Variants in AGBL4 observed in about 807,000 individuals in gnomAD.
The protein encoded by AGBL4 is cytosolic carboxypeptidase 6.
Under a neutral mutation model 66.4 loss-of-function variants are expected in AGBL4, and 58 were observed. The observed-to-expected ratio is 0.87, with a 90% confidence interval of 0.71 to 1.09. The LOEUF is 1.09. Among genes scored for constraint, AGBL4 ranks in the 50% least tolerant of loss-of-function variants. AGBL4 has a pLI of 0.00. For missense variants in AGBL4, 579 were observed against 631.0 expected, an observed-to-expected ratio of 0.92 and a Z score of 0.88; for synonymous variants, 234 against 222.9, an observed-to-expected ratio of 1.05 and a Z score of -0.44.
chr1:49,476,335 C>A (rs1646844317), intron 3 of AGBL4, among the ~76,000 whole-genome samples: 1 of 151,942 alleles, frequency 6.6e-6, no homozygotes, highest in Admixed American at 6.6e-5. Flanking sequence ...AGAATGTGGT[C>A]AATCTTAGAG....
intron 3 of AGBL4, among the ~76,000 whole-genome samples, chr1:49,542,360 A>G (rs1652115194): frequency 6.6e-6 from 1 of 152,142 alleles, no homozygotes; most frequent in African/African-American, 2.4e-5. Context: ...CACTCACCGC[A>G]AAGGTCTGCA....
intron 5 of AGBL4, among the ~76,000 whole-genome samples, chr1:48,893,843 G>A (rs1651240743): frequency 6.6e-6 from 1 of 152,098 alleles, no homozygotes; most frequent in African/African-American, 2.4e-5. Flanking sequence ...TACGATCTCA[G>A]TCTTTCAGCC....
At chr1:49,670,277 G>A (rs1240604932) in intron 3 of AGBL4, among the ~76,000 whole-genome samples, 1 of 152,038 alleles carries the variant, frequency 6.6e-6, no homozygotes, top group Admixed American at 6.6e-5. Context: ...TTGCCAATGT[G>A]GTGCTAACCA....
intron 3 of AGBL4, among the ~76,000 whole-genome samples, chr1:49,541,378 C>T (rs910682284): frequency 6.6e-6 from 1 of 152,120 alleles, no homozygotes; most frequent in African/African-American, 2.4e-5. Flanking sequence ...TCCTTGTGGG[C>T]CAGCATGAGT....
intron 3 of AGBL4, among the ~76,000 whole-genome samples, chr1:49,630,599 A>G (rs1351580926): frequency 6.6e-6 from 1 of 152,190 alleles, no homozygotes; most frequent in Non-Finnish European, 1.5e-5. Flanking sequence ...TAATTCTTGC[A>G]TATCCAGTCT....
chr1:50,000,512 G>C, intron 1 of AGBL4, among the ~76,000 whole-genome samples: 1 of 152,166 alleles, frequency 6.6e-6, no homozygotes, highest in Non-Finnish European at 1.5e-5. Context: ...AAACAGTGTG[G>C]AGAGTCCTTA....
intron 6 of AGBL4, chr1:48,817,708 C>A (rs562860450): frequency 7.7e-6 from 2 of 260,810 alleles, no homozygotes; most frequent in Non-Finnish European, 1.5e-5. Context: ...TTGCTGCCCC[C>A]ACCTGTCTGG....
At chr1:49,624,752 C>G (rs1204360876) in intron 3 of AGBL4, among the ~76,000 whole-genome samples, 1 of 152,160 alleles carries the variant, frequency 6.6e-6, no homozygotes, top group Non-Finnish European at 1.5e-5. Context: ...GAGCCTAAAT[C>G]TTTGATGACT....
intron 1 of AGBL4, among the ~76,000 whole-genome samples, chr1:49,881,380 A>G (rs1490569649): frequency 6.6e-6 from 1 of 152,128 alleles, no homozygotes; most frequent in Non-Finnish European, 1.5e-5. Context: ...AGCATGATTT[A>G]TAGTCCTCTG....
intron 3 of AGBL4, among the ~76,000 whole-genome samples, chr1:49,694,830 G>A (rs1332060179): frequency 2.0e-5 from 3 of 152,070 alleles, no homozygotes; most frequent in Non-Finnish European, 4.4e-5. Context: ...GCTATCTCAA[G>A]TAGTTTAACT....
At chr1:48,665,779 A>C (rs1486045621) in intron 6 of AGBL4, among the ~76,000 whole-genome samples, 3 of 152,208 alleles carry the variant, frequency 2.0e-5, no homozygotes, top group Admixed American at 2.0e-4. Flanking sequence ...CACTTAAAAA[A>C]AAATCACCAA....
At chr1:49,262,296 T>C (rs1653261627) in intron 3 of AGBL4, among the ~76,000 whole-genome samples, 1 of 151,994 alleles carries the variant, frequency 6.6e-6, no homozygotes, top group Non-Finnish European at 1.5e-5. Flanking sequence ...AAAGACAAAA[T>C]TGACAAATGG....
intron 3 of AGBL4, among the ~76,000 whole-genome samples, chr1:49,379,264 A>C (rs1412498617): frequency 1.3e-5 from 2 of 152,118 alleles, no homozygotes; most frequent in African/African-American, 4.8e-5. Context: ...TTGGGAAACT[A>C]CCACACATTG....
chr1:49,555,924 G>C (rs1035201755), intron 3 of AGBL4, among the ~76,000 whole-genome samples: 6 of 152,152 alleles, frequency 3.9e-5, no homozygotes, highest in Non-Finnish European at 2.9e-5. Flanking sequence ...CTTTGACACT[G>C]TTGGTGGGAC....
chr1:48,852,771 G>C (rs745612874), intron 6 of AGBL4, among the ~76,000 whole-genome samples: 1 of 152,112 alleles, frequency 6.6e-6, no homozygotes, highest in Non-Finnish European at 1.5e-5. Flanking sequence ...CAAAATCTCT[G>C]CCAATCTCAA....
intron 1 of AGBL4, among the ~76,000 whole-genome samples, chr1:49,922,133 T>A (rs776217555): frequency 6.6e-6 from 1 of 152,260 alleles, no homozygotes; most frequent in Non-Finnish European, 1.5e-5. Flanking sequence ...TTTGTTTTTG[T>A]TTATGTGATG....
intron 1 of AGBL4, among the ~76,000 whole-genome samples, chr1:49,955,112 G>C: frequency 6.6e-6 from 1 of 151,776 alleles, no homozygotes; most frequent in African/African-American, 2.4e-5. Flanking sequence ...GTTGTGACTC[G>C]CTTACAGACA....
chr1:49,583,655 G>A (rs1644589642), intron 3 of AGBL4, among the ~76,000 whole-genome samples: 1 of 152,072 alleles, frequency 6.6e-6, no homozygotes, highest in Non-Finnish European at 1.5e-5. Context: ...TTGGTAGCTG[G>A]AGAATTGTTC....
At chr1:49,134,233 G>A (rs1028083864) in intron 4 of AGBL4, among the ~76,000 whole-genome samples, 1 of 152,198 alleles carries the variant, frequency 6.6e-6, no homozygotes, top group South Asian at 2.1e-4. Context: ...AGGTCAGGGC[G>A]AGACCACGAG....
Sources: allele counts gnomAD v4.1 joint callset (sites outside exome capture counted in the v4.1 genomes callset), GRCh38; gene constraint gnomAD v4.1.1; transcripts MANE v1.5; gene names NCBI Gene and HGNC (gene_info 2026-07-23, HGNC 2026-07-21).